PTCD2: variants seen among roughly 807,000 people sequenced by gnomAD.
PTCD2 encodes pentatricopeptide repeat domain 2.
PTCD2 carries 31 observed loss-of-function variants against 42.6 expected under a neutral mutation model. The observed-to-expected ratio is 0.73, with a 90% CI of 0.55 to 0.98. PTCD2 has a LOEUF of 0.98. Ranked by LOEUF, PTCD2 falls within the 50% of genes least tolerant of loss-of-function variation. PTCD2 has a pLI of 0.00. For synonymous variants in PTCD2, 183 were observed against 170.9 expected (o/e 1.07, Z -0.55); for missense variants, 476 against 454.8 (o/e 1.05, Z -0.42).
At chr5:72,343,846 C>T (rs1020712933) in intron 8 of PTCD2, among the ~76,000 whole-genome samples, 11 of 152,146 alleles carry the variant, frequency 7.2e-5, no homozygotes, top group African/African-American at 2.2e-4. Context: ...CCCCATTCAG[C>T]CTGCCCATAT....
Position 72,358,419 on chromosome 5 carries a change from G to A in PTCD2, c.1159G>A (p.Ala387Thr). 1.2e-6 allele frequency: 2 copies of A among 1,612,536 alleles called. No individual in the cohort carries two copies. Among genetic ancestry groups the A allele is most frequent in the Non-Finnish European group, 1.7e-6 (2 of 1,179,348 alleles). Residue 387 changes from alanine (A) to threonine (T), a missense_variant, in exon 10 of 10, where the codon GCT becomes ACT. Physicochemically the swap from Ala to Thr is moderately conservative, Grantham distance 58. Coordinates refer to ENST00000380639, the MANE Select transcript of PTCD2 (RefSeq NM_024754.5). ...CCAGCCACTCAGCCAGTCCCTGTTG[G>A]CTGAGTAACCCTGGTTTCAGTCCAC... ...TFQPLSQSLL[A>T]E
chr5:72,341,838 C>T (rs1285909095), intron 7 of PTCD2, among the ~76,000 whole-genome samples: 2 of 151,716 alleles, frequency 1.3e-5, no homozygotes, highest in Non-Finnish European at 2.9e-5. Context: ...GTCAGGAGAT[C>T]GAGACCATCC....
chr5:72,338,781 T>C (rs749177073), intron 7 of PTCD2, 46 bp downstream of exon 7: 18 of 1,028,574 alleles, frequency 1.7e-5, no homozygotes, highest in Non-Finnish European at 2.1e-5. Context: ...TGGCCAGGAC[T>C]TCATTACTTT....
chr5:72,330,142 A>G (rs993370401), intron 3 of PTCD2, among the ~76,000 whole-genome samples: 125 of 150,530 alleles, frequency 8.3e-4, no homozygotes, highest in Non-Finnish European at 1.4e-3. Flanking sequence ...GGGTTTCACC[A>G]TGTTAGCCAA....
chr5:72,350,224 A>C (rs959391439), intron 8 of PTCD2, among the ~76,000 whole-genome samples: 14 of 152,242 alleles, frequency 9.2e-5, no homozygotes, highest in African/African-American at 3.4e-4. Context: ...CCCACTTGTA[A>C]GCTAATGAGT....
At position 72,368,279 on chromosome 5, in the gene PTCD2, A is replaced by T. The variant is rs1277699628; in HGVS notation, c.*9852A>T. 3 of 152,240 alleles carry T rather than the reference A, an allele frequency of 2.0e-5. No homozygotes were observed. Among genetic ancestry groups the T allele is most frequent in the Non-Finnish European group, 4.4e-5 (3 of 68,042 alleles). 9.4% of individuals were successfully genotyped at this position (152,240 alleles called of 1,614,324 possible). A position where few individuals can be genotyped will look rare whatever the true frequency, so the allele number is the denominator to read the frequency against. On this transcript the variant is annotated 3_prime_UTR_variant, in exon 10 of 10. Coordinates refer to ENST00000380639, the MANE Select transcript of PTCD2 (RefSeq NM_024754.5). ...CCCCATTTTAAAGGTTCTGAGACAG[A>T]TAGGCGGAATAGGTCCCCCTGTCTT...
At chr5:72,357,780 C>T (rs1222253714) in intron 9 of PTCD2, among the ~76,000 whole-genome samples, 1 of 151,254 alleles carries the variant, frequency 6.6e-6, no homozygotes, top group East Asian at 1.9e-4. Context: ...TTTGGAATCC[C>T]TCATAGTAAT....
In PTCD2 at chr5:72,352,633, AT is replaced by A. The variant is rs1203976596; in HGVS notation, c.829-7del. ...TCTTGGTTTTGCTTGTGTCTTCTTA[AT>A]ATTCAGATTATAATCCATATCCAGT... is the stretch of plus-strand genomic sequence containing the variant. On this transcript the variant is annotated splice_region_variant and splice_polypyrimidine_tract_variant and intron_variant, in intron 8 of 9. Transcript: ENST00000380639. The A allele has an allele frequency of 3.6e-6, 5 of 1,380,160 alleles. No individual in the cohort carries two copies. The highest frequency in any genetic ancestry group is 5.1e-6 in the Non-Finnish European group (5 of 971,754). 85.5% of individuals were successfully genotyped at this position (1,380,160 alleles called of 1,614,324 possible). A position where few individuals can be genotyped will look rare whatever the true frequency, so the allele number is the denominator to read the frequency against.
rs745720728 is a variant in PTCD2, at chr5:72,320,435, T to A, written c.53T>A (p.Leu18Gln). ...TTTCGGCCCTCGAATCGAGTTCTCC[T>A]GCAGGCGCTGCAGATTTTGGTGTAT... is the stretch of plus-strand genomic sequence containing the variant. ...AAFRPSNRVL[L>Q]QALQILVYPG... The change falls in exon 1 of 10, where the codon CTG becomes CAG. Residue 18 changes from leucine (L) to glutamine (Q), a missense_variant. Physicochemically the swap from Leu to Gln is moderately radical, Grantham distance 113. Transcript: ENST00000380639. The A allele has an allele frequency of 7.4e-6, 12 of 1,614,186 alleles. No individual in the cohort carries two copies. The highest frequency in any genetic ancestry group is 1.0e-5 in the Non-Finnish European group (12 of 1,180,038).
chr5:72,357,769 T>C (rs1234246929), intron 9 of PTCD2, among the ~76,000 whole-genome samples: 1 of 152,136 alleles, frequency 6.6e-6, no homozygotes, highest in Non-Finnish European at 1.5e-5. Flanking sequence ...TGTGTGTAGC[T>C]TTTGGAATCC....
chr5:72,329,430 A>AT (rs1204624595), intron 3 of PTCD2, among the ~76,000 whole-genome samples: 1 of 152,148 alleles, frequency 6.6e-6, no homozygotes, highest in East Asian at 1.9e-4. Flanking sequence ...TTATTGAGGG[A>AT]TTTTAGACCC....
rs1164097943 is a variant in PTCD2 at position 72,367,858 on chromosome 5, GA to G, written c.*9433del. On this transcript the variant is annotated 3_prime_UTR_variant, in exon 10 of 10. Transcript: ENST00000380639. ...TTTGCAAGTAAATAATCAGTAGCAT[GA>G]AGCTCACTTCTGCAGGACCCACCAT... 2 of 152,216 alleles carry G rather than the reference GA, an allele frequency of 1.3e-5. No individual in the cohort carries two copies. The highest frequency in any genetic ancestry group is 4.8e-5 in the African/African-American group (2 of 41,442). The allele number at this position is 152,216 out of a possible 1,614,324, so 9.4% of individuals were successfully genotyped here.
chr5:72,353,707 A>G (rs1206121998), intron 9 of PTCD2, among the ~76,000 whole-genome samples: 1 of 152,208 alleles, frequency 6.6e-6, no homozygotes, highest in East Asian at 1.9e-4. Context: ...AATTGCAGAT[A>G]CAAATTTAGT....
rs188586654 is a variant in PTCD2 at position 72,341,143 on chromosome 5, C to T, written c.754-1819C>T. Among the ~76,000 whole-genome samples the T allele has an allele frequency of 5.3e-5, 8 of 151,844 alleles. No homozygotes were observed. In the South Asian group the frequency reaches 8.3e-4, roughly 16 times the overall value. On this transcript the variant is annotated intron_variant, in intron 7 of 9. Transcript: ENST00000380639. ...AGCCAAATTTTTGTATTTTAGTAGG[C>T]GTGTGCCCAGCTAAATTTTTGTATT...
At chr5:72,352,946 A>G (rs1752694220) in intron 9 of PTCD2, among the ~76,000 whole-genome samples, 192 bp downstream of exon 9, 1 of 152,120 alleles carries the variant, frequency 6.6e-6, no homozygotes, top group Non-Finnish European at 1.5e-5. Flanking sequence ...ATATCCTCTG[A>G]AATTCTAGGA....
intron 4 of PTCD2, among the ~76,000 whole-genome samples, chr5:72,334,780 AC>A (rs2112159871): frequency 6.6e-6 from 1 of 151,992 alleles, no homozygotes; most frequent in East Asian, 1.9e-4. Flanking sequence ...TGAACTTCTG[AC>A]CTCGTGATCC....
At chr5:72,344,626 A>T (rs1013234816) in intron 8 of PTCD2, among the ~76,000 whole-genome samples, 3 of 152,124 alleles carry the variant, frequency 2.0e-5, no homozygotes, top group African/African-American at 7.2e-5. Context: ...AGTAATAGTT[A>T]TTGGGGGAAC....
chr5:72,351,664 G>A (rs1752627220), intron 8 of PTCD2, among the ~76,000 whole-genome samples: 1 of 152,094 alleles, frequency 6.6e-6, no homozygotes, highest in African/African-American at 2.4e-5. Context: ...AGAGAGCAGG[G>A]GCAACTGCCA....
Position 72,358,341 on chromosome 5 carries a change from A to T in PTCD2, c.1081A>T (p.Arg361Trp). 1 of 1,614,076 alleles carries T rather than the reference A, an allele frequency of 6.2e-7. No individual in the cohort carries two copies. Among genetic ancestry groups the T allele is most frequent in the Non-Finnish European group, 8.5e-7 (1 of 1,180,002 alleles). ...TGTGCTCTGCCACACCCCCAGGGAC[A>T]GGAAATCTCACACGTTGCTATTAAA... ...DAVLCHTPRDRKSHTLLLNKR... is the reference protein window; with the variant it reads ...DAVLCHTPRDWKSHTLLLNKR... Residue 361 changes from arginine (R) to tryptophan (W), a missense_variant, in exon 10 of 10, where the codon AGG becomes TGG. Coordinates refer to ENST00000380639, the MANE Select transcript of PTCD2 (RefSeq NM_024754.5).
Sources: gnomAD v4.1 joint callset for allele counts (sites outside exome capture counted in the v4.1 genomes callset) on GRCh38, gnomAD v4.1.1 for gene constraint, MANE v1.5 for transcripts, NCBI Gene and HGNC (gene_info 2026-07-23, HGNC 2026-07-21) for gene names.